FER: variants seen among roughly 807,000 people sequenced by gnomAD.
FER encodes the protein FER tyrosine kinase.
A neutral mutation model predicts 111.0 loss-of-function variants in FER; 63 were observed. The observed-to-expected ratio is 0.57, with a 90% CI of 0.46 to 0.70. The LOEUF (loss-of-function observed/expected upper bound fraction) is 0.70. Ranked by LOEUF, FER falls within the 30% of genes least tolerant of loss-of-function variation. FER has a pLI of 0.00. For missense variants in FER, 914 were observed against 954.0 expected (o/e 0.96, Z 0.55); for synonymous variants, 327 against 313.9 (o/e 1.04, Z -0.44).
In FER at chr5:109,191,052, A is replaced by G. The variant is rs1759341463; in HGVS notation, c.*3477A>G. On this transcript the variant is annotated 3_prime_UTR_variant, in exon 20 of 20. Transcript: ENST00000281092. ...GAAGATTGGCTAGTACCACAAAATA[A>G]CTATGGCTTCACAATACTAGTGTTA... The G allele has an allele frequency of 6.6e-6, 1 of 152,214 alleles. No individual in the cohort carries two copies. The highest frequency in any genetic ancestry group is 6.5e-5 in the Admixed American group (1 of 15,268). The allele number at this position is 152,214 out of a possible 1,614,324, so 9.4% of individuals were successfully genotyped here.
At chr5:109,013,653 A>C (rs1429096499) in intron 13 of FER, among the ~76,000 whole-genome samples, 1 of 151,788 alleles carries the variant, frequency 6.6e-6, no homozygotes, top group East Asian at 1.9e-4. Context: ...AGGAATCGCC[A>C]CACTGACTTC....
chr5:109,163,389 G>A (rs1477749377), intron 17 of FER, among the ~76,000 whole-genome samples: 5 of 151,986 alleles, frequency 3.3e-5, no homozygotes, highest in African/African-American at 9.7e-5. Context: ...TATTTTTCTT[G>A]AGAAAATATC....
rs1466804349 is a variant in FER, at chr5:109,097,039, TTG to T, written c.1925-3351_1925-3350del. ...GTATAATAAATAGTAATAGTATTTATTGTGTGTACTGTGTGCTAGGCACATGC... is the reference window on the plus strand; with the variant it reads ...GTATAATAAATAGTAATAGTATTTATTGTGTACTGTGTGCTAGGCACATGC... On this transcript the variant is annotated intron_variant, in intron 16 of 19. Transcript: ENST00000281092. Among the ~76,000 whole-genome samples, 5 of 149,900 alleles carry T rather than the reference TTG, an allele frequency of 3.3e-5. No homozygotes were observed. The South Asian group carries it at 1.0e-3, about 31-fold the overall frequency.
chr5:109,067,609 G>GGT lies in FER; in HGVS notation c.1924+20412_1924+20413dup, dbSNP rs539112049. Among the ~76,000 whole-genome samples, 11 of 151,770 alleles carry GGT rather than the reference G, an allele frequency of 7.2e-5. No homozygotes were observed. In the East Asian group the frequency reaches 1.9e-3, roughly 27 times the overall value. ...TAGATTTAATCTATTCTTTTAGCTTGGTAGTATCTGTTCCTCCTTGATAAT... is the reference window on the plus strand; with the variant it reads ...TAGATTTAATCTATTCTTTTAGCTTGGTGTAGTATCTGTTCCTCCTTGATAAT... On this transcript the variant is annotated intron_variant, in intron 16 of 19. Transcript: ENST00000281092.
intron 16 of FER, among the ~76,000 whole-genome samples, chr5:109,094,210 A>G (rs1301039019): frequency 6.6e-6 from 1 of 151,446 alleles, no homozygotes; most frequent in South Asian, 2.1e-4. Flanking sequence ...TAACAGTACT[A>G]TTGAACTCTG....
chr5:108,845,067 T>TATATACAC (rs1486282738), intron 5 of FER, among the ~76,000 whole-genome samples: 48 of 53,882 alleles, frequency 8.9e-4, no homozygotes, highest in African/African-American at 3.5e-3. Flanking sequence ...TATATATATA[T>TATATACAC]ACACACACAC....
At chr5:109,141,499 A>G (rs1264736070) in intron 17 of FER, among the ~76,000 whole-genome samples, 1 of 152,196 alleles carries the variant, frequency 6.6e-6, no homozygotes, top group African/African-American at 2.4e-5. Context: ...TTAGGCTAAC[A>G]CAGATAGATG....
chr5:109,018,122 A>G (rs1162369574), intron 13 of FER, among the ~76,000 whole-genome samples: 1 of 151,832 alleles, frequency 6.6e-6, no homozygotes, highest in Non-Finnish European at 1.5e-5. Context: ...TTTTACTTCT[A>G]CTTAGTACAT....
chr5:109,188,441 G>A lies in FER; in HGVS notation c.*866G>A, dbSNP rs1324433548. The A allele has an allele frequency of 6.7e-6, 1 of 150,306 alleles. No individual in the cohort carries two copies. Among genetic ancestry groups the A allele is most frequent in the Non-Finnish European group, 1.5e-5 (1 of 67,630 alleles). 9.3% of individuals were successfully genotyped at this position (150,306 alleles called of 1,614,324 possible). The stretch of plus-strand genomic sequence containing the variant: ...CGCATGAAACGTCGTCAAAGTTAGA[G>A]TTGAGGCAGTTGCTTTTCAAGGATG... On this transcript the variant is annotated 3_prime_UTR_variant, in exon 20 of 20. Transcript: ENST00000281092.
intron 16 of FER, among the ~76,000 whole-genome samples, chr5:109,085,529 TC>T (rs1777471379): frequency 6.6e-6 from 1 of 151,632 alleles, no homozygotes; most frequent in Admixed American, 6.6e-5. Flanking sequence ...TTTACTTCTT[TC>T]TTATTTTTCC....
chr5:109,017,151 C>T (rs146895843), intron 13 of FER, among the ~76,000 whole-genome samples: 2,575 of 151,976 alleles, frequency 0.017, 35 homozygotes, highest in South Asian at 0.034. Flanking sequence ...ATATTACAGG[C>T]TTTTTACTGA....
At chr5:108,797,127 G>A (rs1228250522) in intron 2 of FER, among the ~76,000 whole-genome samples, 1 of 151,988 alleles carries the variant, frequency 6.6e-6, no homozygotes, top group Non-Finnish European at 1.5e-5. Flanking sequence ...TCAAGGCAGC[G>A]GGGTTTTTTT....
At chr5:109,100,632 T>C (rs1748108066) in intron 17 of FER, 113 bp downstream of exon 17, 2 of 1,106,116 alleles carry the variant, frequency 1.8e-6, no homozygotes, top group Admixed American at 5.4e-5. Flanking sequence ...CTTTTCTTGT[T>C]TTCTGTATTT....
intron 17 of FER, among the ~76,000 whole-genome samples, chr5:109,150,969 A>G (rs991705222): frequency 1.3e-5 from 2 of 152,184 alleles, no homozygotes; most frequent in African/African-American, 4.8e-5. Flanking sequence ...TGTATTGGAA[A>G]TAAGTAATGG....
intron 17 of FER, among the ~76,000 whole-genome samples, chr5:109,178,242 T>C (rs553134949): frequency 6.6e-6 from 1 of 152,332 alleles, no homozygotes; most frequent in East Asian, 1.9e-4. Flanking sequence ...CCATTTCCAC[T>C]CACTTGAACT....
At chr5:108,978,410 C>T (rs1046969201) in intron 13 of FER, among the ~76,000 whole-genome samples, 22 of 152,180 alleles carry the variant, frequency 1.4e-4, no homozygotes, top group Middle Eastern at 3.4e-3. Flanking sequence ...TATTTCATAC[C>T]TTTCTATCTT....
chr5:108,980,717 C>T (rs1422227015), intron 13 of FER, among the ~76,000 whole-genome samples: 1 of 152,106 alleles, frequency 6.6e-6, no homozygotes, highest in Non-Finnish European at 1.5e-5. Flanking sequence ...TTTCCAAACA[C>T]CCTTCAGAAG....
chr5:108,982,513 G>A (rs1762117114), intron 13 of FER, among the ~76,000 whole-genome samples: 1 of 152,026 alleles, frequency 6.6e-6, no homozygotes, highest in Non-Finnish European at 1.5e-5. Context: ...TTTTGGAGAA[G>A]TTGATGTTCC....
chr5:109,021,199 A>T lies in FER; in HGVS notation c.1657-16223A>T, dbSNP rs114494350. Among the ~76,000 whole-genome samples the T allele has an allele frequency of 7.5e-3, 1,143 of 152,080 alleles. 19 individuals carry two copies. Among genetic ancestry groups the T allele is most frequent in the African/African-American group, 0.026 (1,099 of 41,500 alleles). On this transcript the variant is annotated intron_variant, in intron 13 of 19. Transcript: ENST00000281092. ...TCAGTGTTATCCTACTACCATTTTAATTAATAAATTTAGATTTTAGCCGGT... is the reference window on the plus strand; with the variant it reads ...TCAGTGTTATCCTACTACCATTTTATTTAATAAATTTAGATTTTAGCCGGT...
Sources: gnomAD v4.1 joint callset for allele counts (sites outside exome capture counted in the v4.1 genomes callset) on GRCh38, gnomAD v4.1.1 for gene constraint, MANE v1.5 for transcripts, NCBI Gene and HGNC (gene_info 2026-07-23, HGNC 2026-07-21) for gene names.